NEXMIF: variants seen among roughly 807,000 people sequenced by gnomAD.
NEXMIF encodes the protein XLMR protein related to neurite extension.
A neutral mutation model predicts 62.1 loss-of-function variants in NEXMIF; 8 were observed. The observed-to-expected ratio is 0.13, with a 90% confidence interval of 0.08 to 0.23. The LOEUF is 0.23. Among genes scored for constraint, NEXMIF ranks in the 10% least tolerant of loss-of-function variants. The pLI, the probability that NEXMIF is intolerant of heterozygous loss-of-function variation, is 1.00. For synonymous variants in NEXMIF, 404 were observed against 416.6 expected (o/e 0.97, Z 0.37); for missense variants, 976 against 1,113.3 (o/e 0.88, Z 1.75).
At chrX:74,924,445 G>A (rs2080836925) in intron 1 of NEXMIF, among the ~76,000 whole-genome samples, 1 of 113,219 alleles carries the variant, frequency 8.8e-6, no homozygotes, top group African/African-American at 3.2e-5. Context: ...TGGTCCGAGC[G>A]CCCGGCCTCG....
intron 1 of NEXMIF, among the ~76,000 whole-genome samples, chrX:74,837,267 C>G (rs1378720107): frequency 1.8e-5 from 2 of 111,607 alleles, no homozygotes; most frequent in Admixed American, 1.9e-4. Context: ...GATTGCTCAC[C>G]TGATTTTTGT....
intron 1 of NEXMIF, among the ~76,000 whole-genome samples, chrX:74,898,195 T>C (rs746909685): frequency 1.8e-5 from 2 of 112,192 alleles, no homozygotes; most frequent in African/African-American, 6.5e-5. Flanking sequence ...CTTAGCCAGA[T>C]AATTACAGTC....
intron 1 of NEXMIF, among the ~76,000 whole-genome samples, chrX:74,828,811 C>T (rs949985435): frequency 8.9e-6 from 1 of 111,733 alleles, no homozygotes; most frequent in Non-Finnish European, 1.9e-5. Context: ...TTCACTACAG[C>T]CTCTGAAATC....
chrX:74,772,142 G>A (rs887004003), intron 1 of NEXMIF, among the ~76,000 whole-genome samples: 1 of 111,900 alleles, frequency 8.9e-6, no homozygotes, highest in Non-Finnish European at 1.9e-5. Context: ...AAAGCAATGG[G>A]AATGATAAAG....
chrX:74,756,125 G>C (rs960363994), intron 1 of NEXMIF, among the ~76,000 whole-genome samples: 3 of 110,454 alleles, frequency 2.7e-5, no homozygotes, highest in African/African-American at 9.9e-5. Flanking sequence ...CACCATACCC[G>C]ACTAATTTTT....
rs72364877 is a variant in NEXMIF at position 74,889,952 on chromosome X, GTCTCTCTCTC to G, written c.-48+34921_-48+34930del. The stretch of plus-strand genomic sequence containing the variant: ...TCCTAACCTAATCCTAACCTAATCT[GTCTCTCTCTC>G]TCTCTCTCTCTCTCTCTCATTCTCT... On this transcript the variant is annotated intron_variant, in intron 1 of 3. Coordinates refer to ENST00000055682, the MANE Select transcript of NEXMIF (RefSeq NM_001008537.3). 2.1e-4 allele frequency among the ~76,000 whole-genome samples: 19 copies of G among 91,170 alleles called. 1 individual carries two copies. The highest frequency in any genetic ancestry group is 2.8e-4 in the Non-Finnish European group (12 of 43,517). The allele number at this position is 91,170 out of a possible 115,157, so 79.2% of individuals were successfully genotyped here.
chrX:74,915,474 G>A (rs920721952), intron 1 of NEXMIF, among the ~76,000 whole-genome samples: 18 of 111,466 alleles, frequency 1.6e-4, no homozygotes, highest in African/African-American at 5.9e-4. Flanking sequence ...ACTGTGGTAG[G>A]CAGAATAAAG....
intron 1 of NEXMIF, among the ~76,000 whole-genome samples, chrX:74,807,539 T>A (rs1346921693): frequency 9.0e-6 from 1 of 110,876 alleles, no homozygotes; most frequent in Non-Finnish European, 1.9e-5. Context: ...CTTGGCTCAC[T>A]GCAACCTCCA....
At chrX:74,873,532 T>C (rs1222789847) in intron 1 of NEXMIF, among the ~76,000 whole-genome samples, 1 of 111,916 alleles carries the variant, frequency 8.9e-6, no homozygotes, top group African/African-American at 3.3e-5. Context: ...GGTCAAATGG[T>C]ATTTCTAGTT....
chrX:74,781,073 C>T (rs1413361840), intron 1 of NEXMIF, among the ~76,000 whole-genome samples: 3 of 112,215 alleles, frequency 2.7e-5, no homozygotes, highest in Non-Finnish European at 5.6e-5. Flanking sequence ...GACCTATGGT[C>T]CTTCCATTAT....
intron 1 of NEXMIF, among the ~76,000 whole-genome samples, chrX:74,834,620 A>G (rs919763860): frequency 8.1e-5 from 9 of 111,778 alleles, no homozygotes; most frequent in Non-Finnish European, 7.5e-5. Flanking sequence ...TAAATATGTC[A>G]TGCCACTCTC....
chrX:74,740,749 A>G lies in NEXMIF; in HGVS notation c.3808T>C (p.Ser1270Pro). The change falls in exon 3 of 4, where the codon TCT becomes CCT. Residue 1270 changes from serine (S) to proline (P), a missense_variant. Around this residue, in one of 5 missense-constraint regions of NEXMIF, gnomAD observed 639 missense variants for 694.5 expected, o/e 0.92. Transcript: ENST00000055682. ...CCCTTTTGACTTGGCATCTTCATAG[A>G]GGCCATAGGGCCACCATGTTGGATA... ...ECIQHGGPMA[S>P]MKMPSQKGLS... The G allele has an allele frequency of 8.3e-7, 1 of 1,211,993 alleles. No individual in the cohort carries two copies. Among genetic ancestry groups the G allele is most frequent in the African/African-American group, 1.7e-5 (1 of 57,940 alleles).
intron 1 of NEXMIF, among the ~76,000 whole-genome samples, chrX:74,784,095 T>C (rs966478342): frequency 6.3e-5 from 7 of 111,813 alleles, no homozygotes; most frequent in Admixed American, 1.9e-4. Flanking sequence ...CAATAGTATT[T>C]AGGTTCACAT....
Position 74,742,433 on chromosome X carries a change from C to T in NEXMIF, c.2124G>A (p.Glu708=). The T allele has an allele frequency of 1.7e-6, 2 of 1,211,308 alleles. No homozygotes were observed. Among genetic ancestry groups the T allele is most frequent in the Admixed American group, 2.2e-5 (1 of 46,041 alleles). The change falls in exon 3 of 4, where the codon GAG becomes GAA. Residue 708 remains glutamate (E), a synonymous_variant. Transcript: ENST00000055682. The part of the protein sequence containing the change: ...DSVKVKAQDT[E]FKGPERKVLN... Reference sequence around the variant, plus strand: ...GCACTTTCCTCTCTGGCCCCTTAAACTCTGTGTCTTGGGCTTTGACTTTCA... The same window carrying T: ...GCACTTTCCTCTCTGGCCCCTTAAATTCTGTGTCTTGGGCTTTGACTTTCA...
chrX:74,818,792 G>T (rs1039656920), intron 1 of NEXMIF, among the ~76,000 whole-genome samples: 7 of 111,962 alleles, frequency 6.3e-5, no homozygotes, highest in Non-Finnish European at 1.1e-4. Flanking sequence ...AGTAGGCAAA[G>T]AACATGAAGA....
chrX:74,796,496 T>G (rs1226041447), intron 1 of NEXMIF, among the ~76,000 whole-genome samples: 1 of 105,002 alleles, frequency 9.5e-6, no homozygotes, highest in Non-Finnish European at 1.9e-5. Flanking sequence ...GGAACCAGAG[T>G]TATTTGGATA....
intron 2 of NEXMIF, among the ~76,000 whole-genome samples, chrX:74,744,824 G>A (rs1040270610): frequency 9.0e-6 from 1 of 110,556 alleles, no homozygotes; most frequent in East Asian, 2.9e-4. Context: ...TTTGAGCTAC[G>A]AGGCTCAGGC....
chrX:74,848,094 C>T (rs1290227563), intron 1 of NEXMIF, among the ~76,000 whole-genome samples: 1 of 111,466 alleles, frequency 9.0e-6, no homozygotes, highest in African/African-American at 3.3e-5. Context: ...CAAAAAAATC[C>T]CTCCTGTTGA....
At chrX:74,866,390 C>G (rs1479090720) in intron 1 of NEXMIF, among the ~76,000 whole-genome samples, 1 of 112,208 alleles carries the variant, frequency 8.9e-6, no homozygotes, top group Non-Finnish European at 1.9e-5. Context: ...TAGGAAGTAA[C>G]TAACTTGCTT....
Sources: gnomAD v4.1 joint callset for allele counts (sites outside exome capture counted in the v4.1 genomes callset) on GRCh38, gnomAD v4.1.1 for gene constraint, gnomAD v4.1.1 regional missense constraint, MANE v1.5 for transcripts, NCBI Gene and HGNC (gene_info 2026-07-23, HGNC 2026-07-21) for gene names.